WDFY3: variants seen among roughly 807,000 people sequenced by gnomAD.
WDFY3 encodes the protein WD repeat and FYVE domain containing 3.
Under a neutral mutation model 409.6 loss-of-function variants are expected in WDFY3, and 66 were observed. That is an observed-to-expected ratio of 0.16 (90% confidence interval 0.13 to 0.20). The LOEUF is 0.20. WDFY3 is among the 10% of genes least tolerant of loss of function. The pLI is 1.00. For synonymous variants in WDFY3, 1,521 were observed against 1,537.1 expected (o/e 0.99, Z 0.25); for missense variants, 3,031 against 4,298.1 (o/e 0.71, Z 8.24).
intron 41 of WDFY3, among the ~76,000 whole-genome samples, 177 bp downstream of exon 41, chr4:84,737,007 A>C (rs1045785262): frequency 2.0e-5 from 3 of 152,112 alleles, no homozygotes; most frequent in African/African-American, 7.2e-5. Context: ...AAAAAAAAAA[A>C]AAAAAATCAA....
Position 84,841,173 on chromosome 4 carries a change from AAATT to A in WDFY3, c.391_394del (p.Asn131CysfsTer2), listed in dbSNP as rs1243867543. ...ACTTACCTGACCAGAGGAAGCTAAC[AAATT>A]AATTGTCGTTAGAAGCATCCAGCCT... On this transcript the variant is annotated frameshift_variant, in exon 6 of 68. Coordinates refer to ENST00000295888, the MANE Select transcript of WDFY3 (RefSeq NM_014991.6). LOFTEE classifies it high-confidence loss of function. 6.2e-7 allele frequency: 1 copy of A among 1,610,128 alleles called. No homozygotes were observed.
At position 84,759,117 on chromosome 4, in the gene WDFY3, T is replaced by C. The variant is rs1216055724; in HGVS notation, c.5189-1956A>G. On this transcript the variant is annotated intron_variant, in intron 32 of 67. Coordinates refer to ENST00000295888, the MANE Select transcript of WDFY3 (RefSeq NM_014991.6). ...TTGTCAAAGATCAGATAGTTGTAGA[T>C]ATGCGGCGTTATTTCTGAGGGCTGT... is the stretch of plus-strand genomic sequence containing the variant. 2.6e-5 allele frequency among the ~76,000 whole-genome samples: 4 copies of C among 152,286 alleles called. No homozygotes were observed. In the East Asian group the frequency reaches 5.8e-4, roughly 22 times the overall value.
At chr4:84,964,493 T>C (rs1775368119) in intron 1 of WDFY3, among the ~76,000 whole-genome samples, 1 of 152,052 alleles carries the variant, frequency 6.6e-6, no homozygotes. Context: ...AATAAATAAA[T>C]TAAGAACAAC....
At chr4:84,678,026 C>G in intron 66 of WDFY3, 142 bp downstream of exon 66, 2 of 387,748 alleles carry the variant, frequency 5.2e-6, no homozygotes, top group Non-Finnish European at 9.9e-6. Flanking sequence ...TAACAGGGTT[C>G]TTCTTCAAAT....
intron 36 of WDFY3, among the ~76,000 whole-genome samples, chr4:84,745,872 C>CT (rs1739349265): frequency 6.6e-6 from 1 of 152,048 alleles, no homozygotes; most frequent in East Asian, 1.9e-4. Flanking sequence ...GATGTGAGGA[C>CT]TTTTAAGTGA....
Position 84,782,944 on chromosome 4 carries a change from C to T in WDFY3, c.4174+19G>A, listed in dbSNP as rs1007242313. 5 of 1,605,564 alleles carry T rather than the reference C, an allele frequency of 3.1e-6. No homozygotes were observed. The highest frequency in any genetic ancestry group is 2.2e-5 in the East Asian group (1 of 44,794). Reference sequence around the variant, plus strand: ...TGGCAAATAAAGAAGTTTGAAACAACAAAGATAAGTCCACTCACCCAAGTA... The same window carrying T: ...TGGCAAATAAAGAAGTTTGAAACAATAAAGATAAGTCCACTCACCCAAGTA... On this transcript the variant is annotated intron_variant, in intron 25 of 67. Coordinates refer to ENST00000295888, the MANE Select transcript of WDFY3 (RefSeq NM_014991.6).
At chr4:84,676,108 GA>G (rs1320750746) in intron 67 of WDFY3, among the ~76,000 whole-genome samples, 6 of 151,362 alleles carry the variant, frequency 4.0e-5, no homozygotes, top group African/African-American at 1.5e-4. Context: ...GTAGATGACA[GA>G]AAAAACATAT....
At chr4:84,714,032 C>T (rs1035696873) in intron 50 of WDFY3, among the ~76,000 whole-genome samples, 1 of 151,980 alleles carries the variant, frequency 6.6e-6, no homozygotes, top group African/African-American at 2.4e-5. Context: ...AGGAAAATTG[C>T]TTGAACCTGG....
chr4:84,677,445 TCTC>T, intron 66 of WDFY3, 49 bp from the exon 67 acceptor site: 1 of 1,494,266 alleles, frequency 6.7e-7, no homozygotes, highest in South Asian at 1.3e-5. Context: ...GCTTCTGTGA[TCTC>T]CTTCTTGAGG....
chr4:84,734,731 C>G (rs1338186871), intron 43 of WDFY3, among the ~76,000 whole-genome samples: 1 of 152,196 alleles, frequency 6.6e-6, no homozygotes, highest in African/African-American at 2.4e-5. Flanking sequence ...AAAGAAGGCT[C>G]ATTCTTACAT....
chr4:84,703,868 C>A (rs1050311316), intron 55 of WDFY3, among the ~76,000 whole-genome samples: 6 of 152,164 alleles, frequency 3.9e-5, no homozygotes, highest in African/African-American at 1.4e-4. Flanking sequence ...CTGTCTCCTT[C>A]AACTGAATTA....
At chr4:84,886,782 A>G (rs1764291826) in intron 3 of WDFY3, among the ~76,000 whole-genome samples, 1 of 152,178 alleles carries the variant, frequency 6.6e-6, no homozygotes, top group African/African-American at 2.4e-5. Context: ...AAACCTACCC[A>G]TGGTCTCCAA....
chr4:84,762,363 A>G (rs1462170602), intron 32 of WDFY3, among the ~76,000 whole-genome samples: 2 of 151,406 alleles, frequency 1.3e-5, no homozygotes, highest in East Asian at 3.9e-4. Context: ...TATCGCAAGA[A>G]CAAAAAACCA....
At chr4:84,695,469 G>GTC (rs1234440490) in intron 58 of WDFY3, among the ~76,000 whole-genome samples, 1 of 150,734 alleles carries the variant, frequency 6.6e-6, no homozygotes, top group Non-Finnish European at 1.5e-5. Context: ...GTGTGTGTGT[G>GTC]TGTGTGTGTC....
chr4:84,789,994 T>C (rs1748225007), intron 21 of WDFY3, 87 bp from the exon 22 acceptor site: 17 of 1,388,440 alleles, frequency 1.2e-5, no homozygotes, highest in African/African-American at 4.4e-5. Context: ...TGTTTTGACT[T>C]TATGTTAAAA....
At chr4:84,726,784 C>A in intron 45 of WDFY3, 77 bp downstream of exon 45, 4 of 1,263,490 alleles carry the variant, frequency 3.2e-6, no homozygotes, top group Middle Eastern at 2.5e-4. Flanking sequence ...GTCTACCATG[C>A]ACTTAAAAAA....
At chr4:84,921,646 A>ATTTTTTTTTTTTTTT (rs747576197) in intron 2 of WDFY3, among the ~76,000 whole-genome samples, 1 of 78,666 alleles carries the variant, frequency 1.3e-5, no homozygotes, top group African/African-American at 5.7e-5. Context: ...TATTGCTTTC[A>ATTTTTTTTTTTTTTT]TTTTTTTTTT....
rs1371425986 is a variant in WDFY3, at chr4:84,826,838, G to A, written c.1100C>T (p.Ala367Val). ...TGAPFLLPGF[A>V]VPQPAGKGHS... ...ACCTTTGCCTGCAGGCTGAGGTACT[G>A]CAAATCCAGGCAATAAAAAGGGTGC... Residue 367 changes from alanine (A) to valine (V), a missense_variant, in exon 10 of 68, where the codon GCA becomes GTA. Physicochemically the swap from Ala to Val is moderately conservative, Grantham distance 64. Coordinates refer to ENST00000295888, the MANE Select transcript of WDFY3 (RefSeq NM_014991.6). The A allele has an allele frequency of 6.2e-7, 1 of 1,609,300 alleles. No individual in the cohort carries two copies. The highest frequency in any genetic ancestry group is 8.5e-7 in the Non-Finnish European group (1 of 1,178,836).
At chr4:84,803,510 A>G (rs1291613969) in intron 15 of WDFY3, 43 bp from the exon 16 acceptor site, 3 of 1,561,156 alleles carry the variant, frequency 1.9e-6, no homozygotes, top group African/African-American at 1.4e-5. Flanking sequence ...AATTCCAATC[A>G]CATTCTCTTC....
Sources: gnomAD v4.1 joint callset for allele counts (sites outside exome capture counted in the v4.1 genomes callset) on GRCh38, gnomAD v4.1.1 for gene constraint, MANE v1.5 for transcripts, NCBI Gene and HGNC (gene_info 2026-07-23, HGNC 2026-07-21) for gene names.